The following GAS7 variants were observed in gnomAD, a reference collection of about 807,000 sequenced individuals.
The protein encoded by GAS7 is growth arrest specific 7, also known as growth arrest-specific protein 7.
GAS7 carries 28 observed loss-of-function variants against 71.1 expected under a neutral mutation model. That is an observed-to-expected ratio of 0.39 (90% CI 0.29 to 0.54). The LOEUF (loss-of-function observed/expected upper bound fraction) is 0.54, where lower values mean the gene tolerates loss of function less well. Among genes scored for constraint, GAS7 ranks in the 20% least tolerant of loss-of-function variants. The probability of loss-of-function intolerance (pLI) is 0.62; values close to 1 mark genes in which losing one functional copy is unlikely to be tolerated. For missense variants in GAS7, 436 were observed against 627.8 expected (o/e 0.69, Z 3.27); for synonymous variants, 258 against 245.8 (o/e 1.05, Z -0.46).
chr17:10,042,866 C>T lies in GAS7; in HGVS notation c.184-22969G>A, dbSNP rs532259325. Among the ~76,000 whole-genome samples the T allele has an allele frequency of 5.3e-5, 8 of 152,288 alleles. No individual in the cohort carries two copies. The South Asian group carries it at 1.7e-3, about 32-fold the overall frequency. Reference sequence around the variant, plus strand: ...GAAATGAGAGACAGCGAAGTTGATTCGGAAGGAAATGACAGAAGTTCGAAC... The same window carrying T: ...GAAATGAGAGACAGCGAAGTTGATTTGGAAGGAAATGACAGAAGTTCGAAC... On this transcript the variant is annotated intron_variant, in intron 1 of 13. Coordinates refer to ENST00000432992, the MANE Select transcript of GAS7 (RefSeq NM_201433.2).
At chr17:10,063,318 A>G (rs1161920865) in intron 1 of GAS7, among the ~76,000 whole-genome samples, 2 of 152,160 alleles carry the variant, frequency 1.3e-5, no homozygotes, top group Admixed American at 6.5e-5. Context: ...GTGCGTGCGC[A>G]TGATACTCAC....
intron 1 of GAS7, among the ~76,000 whole-genome samples, chr17:10,161,037 C>T (rs557146947): frequency 6.6e-6 from 1 of 151,862 alleles, no homozygotes; most frequent in East Asian, 1.9e-4. Context: ...GAGTGTCTGG[C>T]CTTCAGTTGC....
chr17:10,095,902 T>C lies in GAS7; in HGVS notation c.184-76005A>G, dbSNP rs143930457. On this transcript the variant is annotated intron_variant, in intron 1 of 13. Transcript: ENST00000432992. Reference sequence around the variant, plus strand: ...AACCTCTTTAACCCAGTCCTTTCCCTTCCTTTGCAGAATGACGTGTTCTCT... The same window carrying C: ...AACCTCTTTAACCCAGTCCTTTCCCCTCCTTTGCAGAATGACGTGTTCTCT... Among the ~76,000 whole-genome samples the C allele has an allele frequency of 2.8e-3, 427 of 152,228 alleles. 3 individuals are homozygous for C. Among genetic ancestry groups the C allele is most frequent in the African/African-American group, 9.5e-3 (396 of 41,534 alleles).
chr17:10,057,094 T>C (rs917482984), intron 1 of GAS7, among the ~76,000 whole-genome samples: 1 of 152,200 alleles, frequency 6.6e-6, no homozygotes, highest in African/African-American at 2.4e-5. Context: ...GTTCACTCAG[T>C]GCTCAATGTT....
In GAS7 at chr17:9,943,112, A is replaced by C. The variant is rs1293678807; in HGVS notation, c.731+9T>G. Reference sequence around the variant, plus strand: ...CAGGCCCCAGGGCTGGGAGGGGCCCAGGCTTCACCTTTCCCGGATGAATTC... The same window carrying C: ...CAGGCCCCAGGGCTGGGAGGGGCCCCGGCTTCACCTTTCCCGGATGAATTC... On this transcript the variant is annotated intron_variant, in intron 7 of 13. Transcript: ENST00000432992. 6.4e-7 allele frequency: 1 copy of C among 1,573,352 alleles called. No homozygotes were observed. Among genetic ancestry groups the C allele is most frequent in the Admixed American group, 1.7e-5 (1 of 59,954 alleles).
At chr17:10,141,528 A>T (rs2074081285) in intron 1 of GAS7, among the ~76,000 whole-genome samples, 1 of 152,000 alleles carries the variant, frequency 6.6e-6, no homozygotes, top group African/African-American at 2.4e-5. Flanking sequence ...TCCAAGTCCC[A>T]CTAAGACCTG....
chr17:9,996,722 T>C (rs2071061662), intron 2 of GAS7, among the ~76,000 whole-genome samples: 1 of 151,920 alleles, frequency 6.6e-6, no homozygotes, highest in African/African-American at 2.4e-5. Flanking sequence ...CACTGCAACC[T>C]CCGCCTCCCA....
At chr17:10,082,283 AG>A (rs2073465517) in intron 1 of GAS7, among the ~76,000 whole-genome samples, 1 of 152,212 alleles carries the variant, frequency 6.6e-6, no homozygotes, top group Admixed American at 6.5e-5. Flanking sequence ...AGAGAAGGAA[AG>A]AAGGGAAAGG....
At chr17:10,129,924 A>C (rs536527311) in intron 1 of GAS7, among the ~76,000 whole-genome samples, 2 of 152,342 alleles carry the variant, frequency 1.3e-5, no homozygotes, top group African/African-American at 4.8e-5. Flanking sequence ...CTGTAATCCC[A>C]GCACTTTGGG....
chr17:10,004,731 G>A (rs1357589754), intron 2 of GAS7, among the ~76,000 whole-genome samples: 2 of 152,020 alleles, frequency 1.3e-5, no homozygotes, highest in African/African-American at 2.4e-5. Context: ...GTCTTCCTAG[G>A]CTGGGCACGG....
chr17:10,105,908 T>C (rs2073752006), intron 1 of GAS7, among the ~76,000 whole-genome samples: 1 of 152,160 alleles, frequency 6.6e-6, no homozygotes, highest in South Asian at 2.1e-4. Flanking sequence ...GCTCAGTAAG[T>C]GTTAGTGGAC....
chr17:9,985,408 T>C (rs1015626518), intron 2 of GAS7, among the ~76,000 whole-genome samples: 6 of 152,188 alleles, frequency 3.9e-5, no homozygotes, highest in Admixed American at 1.3e-4. Context: ...CCCAGTTAAC[T>C]TGCCTCGCCG....
intron 1 of GAS7, among the ~76,000 whole-genome samples, chr17:10,025,652 A>T (rs570199842): frequency 6.6e-6 from 1 of 151,430 alleles, no homozygotes; most frequent in Admixed American, 6.6e-5. Context: ...ATCCCCCCAC[A>T]GCAGTGTTTT....
intron 1 of GAS7, among the ~76,000 whole-genome samples, chr17:10,154,395 T>A (rs2074189086): frequency 6.6e-6 from 1 of 151,798 alleles, no homozygotes; most frequent in Non-Finnish European, 1.5e-5. Flanking sequence ...TCTCAGCTAC[T>A]CAGGAGGCCA....
At position 10,083,931 on chromosome 17, in the gene GAS7, T is replaced by C. The variant is rs571586157; in HGVS notation, c.184-64034A>G. 7.9e-5 allele frequency among the ~76,000 whole-genome samples: 12 copies of C among 152,346 alleles called. No individual in the cohort carries two copies. In the East Asian group the frequency reaches 2.1e-3, roughly 27 times the overall value. ...GCACACCAAACAGGAAGACAAGTTC[T>C]CAGTCTGGTCCAAGGATTTAAATGG... On this transcript the variant is annotated intron_variant, in intron 1 of 13. Coordinates refer to ENST00000432992, the MANE Select transcript of GAS7 (RefSeq NM_201433.2).
intron 13 of GAS7, 26 bp from the exon 14 acceptor site, chr17:9,917,367 A>T: frequency 1.3e-6 from 2 of 1,515,552 alleles, no homozygotes; most frequent in Non-Finnish European, 1.8e-6. Flanking sequence ...AAAATGCGAC[A>T]CTGTTAGAGA....
intron 1 of GAS7, among the ~76,000 whole-genome samples, chr17:10,117,937 G>A (rs984681698): frequency 3.3e-5 from 5 of 152,142 alleles, no homozygotes; most frequent in South Asian, 4.1e-4. Flanking sequence ...TGCCTCCAGC[G>A]GCTGGAAGGA....
rs762410053 is a variant in GAS7 at position 9,919,969 on chromosome 17, T to TTATGTGTG, written c.1139-265_1139-264insCACACATA. On this transcript the variant is annotated intron_variant, in intron 11 of 13. Transcript: ENST00000432992. This position sits in a 1 kb window ranked among gnomAD's most constrained non-coding sequence, Gnocchi z 5.0. ...AGGATTCAGGATGGTGGTTCTCATT[T>TTATGTGTG]TGTGTGTGTGTGTGTGTGTGTGTGT... 3.2e-4 allele frequency among the ~76,000 whole-genome samples: 42 copies of TTATGTGTG among 131,398 alleles called. No homozygotes were observed. The highest frequency in any genetic ancestry group is 7.0e-4 in the East Asian group (3 of 4,268). 86.2% of individuals were successfully genotyped at this position (131,398 alleles called of 152,430 possible).
At chr17:10,143,405 G>T (rs1357603384) in intron 1 of GAS7, among the ~76,000 whole-genome samples, 4 of 152,112 alleles carry the variant, frequency 2.6e-5, no homozygotes, top group Non-Finnish European at 4.4e-5. Flanking sequence ...AGCTGGGTAT[G>T]TTGTGTGTCC....
Sources: allele counts gnomAD v4.1 joint callset (sites outside exome capture counted in the v4.1 genomes callset), GRCh38; gene constraint gnomAD v4.1.1; non-coding constraint Gnocchi (gnomAD v3.1); transcripts MANE v1.5; gene names NCBI Gene and HGNC (gene_info 2026-07-23, HGNC 2026-07-21).